SLC20A2: variants seen among roughly 807,000 people sequenced by gnomAD.
SLC20A2 encodes sodium-dependent phosphate transporter 2.
In SLC20A2, 30 loss-of-function variants were observed where a neutral mutation model predicts 61.0. The ratio of observed to expected loss-of-function variants is 0.49; its 90% CI spans 0.37 to 0.67. The LOEUF (loss-of-function observed/expected upper bound fraction) is 0.67. Ranked by LOEUF, SLC20A2 falls within the 30% of genes least tolerant of loss-of-function variation. The pLI, the probability that SLC20A2 is intolerant of heterozygous loss-of-function variation, is 0.00. For missense variants in SLC20A2, 626 were observed against 866.4 expected (o/e 0.72, Z 3.48); for synonymous variants, 351 against 353.3 (o/e 0.99, Z 0.07).
In SLC20A2 at chr8:42,430,111, T is replaced by C; in HGVS notation, c.1662A>G (p.Arg554=). Residue 554 remains arginine (R), a synonymous_variant, in exon 9 of 11, where the codon AGA becomes AGG. Coordinates refer to ENST00000520262, the MANE Select transcript of SLC20A2 (RefSeq NM_001257180.2). ...GGTCCTTCCCCATGGTCTGGATCAC[T>C]CTTCTCCCCCAGACCCAGAGGCCTG... ...ICTGLWVWGR[R]VIQTMGKDLT... is the part of the protein sequence containing the mutation. 1 of 1,613,780 alleles carries C rather than the reference T, an allele frequency of 6.2e-7. No individual in the cohort carries two copies. Among genetic ancestry groups the C allele is most frequent in the Non-Finnish European group, 8.5e-7 (1 of 1,179,932 alleles).
At chr8:42,432,914 T>C (rs563348549) in intron 8 of SLC20A2, among the ~76,000 whole-genome samples, 2 of 152,332 alleles carry the variant, frequency 1.3e-5, no homozygotes, top group African/African-American at 4.8e-5. Flanking sequence ...AAAAACTTCA[T>C]GGGTATTGTG....
At chr8:42,466,462 T>G (rs6999392) in intron 2 of SLC20A2, among the ~76,000 whole-genome samples, 25,828 of 152,118 alleles carry the variant, frequency 0.17, 6,217 homozygotes, top group African/African-American at 0.54. Context: ...GGGTGCTGTG[T>G]ATGAACTTGT....
intron 1 of SLC20A2, among the ~76,000 whole-genome samples, chr8:42,540,008 T>A (rs1812971878): frequency 6.6e-6 from 1 of 152,208 alleles, no homozygotes; most frequent in Admixed American, 6.5e-5. Flanking sequence ...AATGCACACG[T>A]TTGCCCGGCG....
At chr8:42,496,272 G>A (rs1354858228) in intron 1 of SLC20A2, among the ~76,000 whole-genome samples, 2 of 152,164 alleles carry the variant, frequency 1.3e-5, no homozygotes, top group Admixed American at 1.3e-4. Context: ...AGCACAAAAA[G>A]GTTTTATTGT....
chr8:42,530,150 C>T (rs1270301016), intron 1 of SLC20A2, among the ~76,000 whole-genome samples: 1 of 151,852 alleles, frequency 6.6e-6, no homozygotes, highest in Non-Finnish European at 1.5e-5. Context: ...AAAAATTTAC[C>T]CAACCTAATT....
intron 4 of SLC20A2, among the ~76,000 whole-genome samples, chr8:42,461,454 C>CT (rs752764620): frequency 0.065 from 8,970 of 138,934 alleles, 886 homozygotes; most frequent in African/African-American, 0.22. Context: ...TTTCAAATAT[C>CT]TTTTTTTTTT....
chr8:42,502,004 G>A (rs1393586814), upstream of SLC20A2, among the ~76,000 whole-genome samples: 7 of 152,110 alleles, frequency 4.6e-5, no homozygotes, highest in Non-Finnish European at 1.0e-4. Flanking sequence ...ACACAAAACC[G>A]CTTAGTATCT....
In SLC20A2 at chr8:42,444,653, T is replaced by C. The variant is rs543321764; in HGVS notation, c.723A>G (p.Lys241=). The C allele has an allele frequency of 5.6e-6, 9 of 1,613,178 alleles. No homozygotes were observed. In the African/African-American group the frequency reaches 9.3e-5, roughly 17 times the overall value. Residue 241 remains lysine, a synonymous_variant, in exon 6 of 11, where the codon AAA becomes AAG. Transcript: ENST00000520262. ...GAATTAAAAGGCCCATACCTGTTAT[T>C]TTCCTCCGCATCCACGGACACACGA... is the stretch of plus-strand genomic sequence containing the variant. ...WLFVCPWMRR[K]ITGKLQKEGA... is the part of the protein sequence containing the mutation.
chr8:42,440,090 A>C (rs1272727077), intron 6 of SLC20A2, among the ~76,000 whole-genome samples: 1 of 151,982 alleles, frequency 6.6e-6, no homozygotes, highest in East Asian at 1.9e-4. Flanking sequence ...GTCTCAAAAA[A>C]AAAAAAAGAA....
In SLC20A2 at chr8:42,521,317, T is replaced by C. The variant is rs1811614605; in HGVS notation, c.-265+20504A>G. Among the ~76,000 whole-genome samples, 2 of 121,320 alleles carry C rather than the reference T, an allele frequency of 1.6e-5. 1 individual carries two copies. The highest frequency in any genetic ancestry group is 1.7e-4 in the Admixed American group (2 of 12,058). 79.6% of individuals were successfully genotyped at this position (121,320 alleles called of 152,430 possible). A position where few individuals can be genotyped will look rare whatever the true frequency, so the allele number is the denominator to read the frequency against. ...GACTCAATGCATACTCAATACTCAA[T>C]GGATCTCAAGGGCATTATGCTGAGT... On this transcript the variant is annotated intron_variant, in intron 1 of 10. Transcript: ENST00000342228.
intron 5 of SLC20A2, among the ~76,000 whole-genome samples, chr8:42,456,779 A>G (rs1442244045): frequency 6.6e-6 from 1 of 151,070 alleles, no homozygotes; most frequent in Non-Finnish European, 1.5e-5. Flanking sequence ...ATCTCCCGTT[A>G]CAGAGTTCAC....
chr8:42,465,508 A>G (rs1450901334), intron 3 of SLC20A2, among the ~76,000 whole-genome samples: 2 of 151,922 alleles, frequency 1.3e-5, no homozygotes, highest in African/African-American at 4.8e-5. Context: ...CCTGGCCAAC[A>G]TGGTGAAACC....
At chr8:42,475,061 G>A (rs1402409976) in intron 1 of SLC20A2, among the ~76,000 whole-genome samples, 1 of 152,124 alleles carries the variant, frequency 6.6e-6, no homozygotes, top group African/African-American at 2.4e-5. Flanking sequence ...TGTGGACAGT[G>A]GGGTGCCACC....
At chr8:42,467,675 G>A (rs924246222) in intron 2 of SLC20A2, among the ~76,000 whole-genome samples, 1 of 152,170 alleles carries the variant, frequency 6.6e-6, no homozygotes, top group African/African-American at 2.4e-5. Context: ...TTTGAGCTGA[G>A]GCTGGCTGTG....
chr8:42,471,953 G>T, intron 2 of SLC20A2, 149 bp downstream of exon 2: 1 of 675,264 alleles, frequency 1.5e-6, no homozygotes, highest in Non-Finnish European at 2.5e-6. Context: ...TTAATATGCA[G>T]AAAGCAAAAA....
At position 42,437,597 on chromosome 8, in the gene SLC20A2, G is replaced by A. The variant is rs762948291; in HGVS notation, c.935-20C>T. ...CTCTTCCTGAAAAGGGTTAGAGAAG[G>A]TCTCATTTTCCAGTCTTTTTTTTTT... On this transcript the variant is annotated intron_variant, in intron 7 of 10. Transcript: ENST00000520262. This position sits in a 1 kb window ranked among gnomAD's most constrained non-coding sequence, Gnocchi z 6.4. The A allele has an allele frequency of 2.2e-5, 34 of 1,526,364 alleles. No individual in the cohort carries two copies. The South Asian group carries it at 3.6e-4, about 16-fold the overall frequency. 94.6% of individuals were successfully genotyped at this position (1,526,364 alleles called of 1,614,324 possible).
intron 1 of SLC20A2, among the ~76,000 whole-genome samples, chr8:42,473,712 T>C (rs1020304696): frequency 2.0e-5 from 3 of 152,210 alleles, no homozygotes; most frequent in African/African-American, 7.2e-5. Flanking sequence ...CAAGGCACTG[T>C]ATATTTTCTT....
At chr8:42,459,087 A>G (rs1312705336) in intron 5 of SLC20A2, among the ~76,000 whole-genome samples, 1 of 149,312 alleles carries the variant, frequency 6.7e-6, no homozygotes, top group East Asian at 2.1e-4. Flanking sequence ...CCTGGCCAAC[A>G]TAGTGAAAAC....
intron 8 of SLC20A2, among the ~76,000 whole-genome samples, chr8:42,435,558 C>T (rs1474035515): frequency 6.6e-6 from 1 of 152,124 alleles, no homozygotes; most frequent in African/African-American, 2.4e-5. Flanking sequence ...CAGCAGAGAC[C>T]CAAACTTGGG....
Sources: gnomAD v4.1 joint callset for allele counts (sites outside exome capture counted in the v4.1 genomes callset) on GRCh38, gnomAD v4.1.1 for gene constraint, Gnocchi (gnomAD v3.1) non-coding constraint, MANE v1.5 for transcripts, NCBI Gene and HGNC (gene_info 2026-07-23, HGNC 2026-07-21) for gene names.